PCDH15: variants seen among roughly 807,000 people sequenced by gnomAD.
PCDH15 encodes the protein protocadherin related 15, also known as protocadherin-15.
A neutral mutation model predicts 178.5 loss-of-function variants in PCDH15; 129 were observed. The observed-to-expected ratio is 0.72, with a 90% confidence interval of 0.63 to 0.84. The LOEUF (loss-of-function observed/expected upper bound fraction) is 0.84. PCDH15 is among the 40% of genes least tolerant of loss of function. The pLI is 0.00. For synonymous variants in PCDH15, 800 were observed against 732.0 expected, an observed-to-expected ratio of 1.09 and a Z score of -1.50; for missense variants, 2,230 against 2,099.9, an observed-to-expected ratio of 1.06 and a Z score of -1.21.
chr10:55,374,541 T>TGGCATA (rs1341457529), intron 2 of PCDH15, among the ~76,000 whole-genome samples: 1 of 151,974 alleles, frequency 6.6e-6, no homozygotes, highest in Non-Finnish European at 1.5e-5. Context: ...TAGAATAGCT[T>TGGCATA]CCCATGACAT....
chr10:54,517,394 C>A (rs576304284), intron 3 of PCDH15, among the ~76,000 whole-genome samples: 2 of 151,874 alleles, frequency 1.3e-5, no homozygotes, highest in East Asian at 1.9e-4. Context: ...AAACAAAAAA[C>A]GGCAGGAGTT....
chr10:55,226,279 G>A (rs935536182), intron 1 of PCDH15, among the ~76,000 whole-genome samples: 6 of 152,050 alleles, frequency 3.9e-5, no homozygotes, highest in African/African-American at 1.2e-4. Context: ...ATGAGGGAGA[G>A]AACACAAAAT....
chr10:55,068,967 G>A (rs1841642439), intron 2 of PCDH15, among the ~76,000 whole-genome samples: 1 of 151,932 alleles, frequency 6.6e-6, no homozygotes. Flanking sequence ...GTGCAGTCTG[G>A]GCTCACTGCA....
Position 54,183,589 on chromosome 10 carries a change from G to A in PCDH15, c.1445C>T (p.Thr482Ile). 6.2e-7 allele frequency: 1 copy of A among 1,613,780 alleles called. No homozygotes were observed. Among genetic ancestry groups the A allele is most frequent in the Non-Finnish European group, 8.5e-7 (1 of 1,179,940 alleles). ...EEQQTYTFSI[T>I]AFDGVQESEP... The stretch of plus-strand genomic sequence containing the variant: ...ACTTTCTTGTACACCATCAAATGCT[G>A]TTATCTTTGGGAGGAGAAAAATACA... Residue 482 changes from threonine to isoleucine, a missense_variant, in exon 13 of 38, where the codon ACA becomes ATA. Coordinates refer to ENST00000644397, the MANE Select transcript of PCDH15 (RefSeq NM_001384140.1).
intron 2 of PCDH15, among the ~76,000 whole-genome samples, chr10:54,978,966 C>A (rs192570066): frequency 1.3e-5 from 2 of 152,246 alleles, no homozygotes; most frequent in East Asian, 3.9e-4. Flanking sequence ...AAGAAAATTA[C>A]TTTCCTTCCT....
intron 18 of PCDH15, among the ~76,000 whole-genome samples, chr10:54,032,115 G>T (rs1004895385): frequency 6.6e-6 from 1 of 151,168 alleles, no homozygotes; most frequent in East Asian, 1.9e-4. Flanking sequence ...CTTTTTCTCT[G>T]TGGGCGAACA....
intron 1 of PCDH15, among the ~76,000 whole-genome samples, chr10:54,689,082 C>A (rs1423245520): frequency 6.6e-6 from 1 of 151,966 alleles, no homozygotes; most frequent in African/African-American, 2.4e-5. Flanking sequence ...TTCCAAAATA[C>A]CTATCTTCTC....
At chr10:55,166,210 G>A (rs1478722544) in intron 2 of PCDH15, among the ~76,000 whole-genome samples, 1 of 152,056 alleles carries the variant, frequency 6.6e-6, no homozygotes, top group Non-Finnish European at 1.5e-5. Context: ...GACACACAAT[G>A]ATGGATGCAA....
intron 8 of PCDH15, among the ~76,000 whole-genome samples, chr10:54,298,906 T>A (rs1172328032): frequency 6.6e-6 from 1 of 152,340 alleles, no homozygotes; most frequent in East Asian, 1.9e-4. Flanking sequence ...TTGCTACAGA[T>A]AGTAAGTATG....
intron 2 of PCDH15, among the ~76,000 whole-genome samples, chr10:54,911,944 A>T (rs532880993): frequency 6.6e-6 from 1 of 152,354 alleles, no homozygotes; most frequent in Non-Finnish European, 1.5e-5. Context: ...ATAGCAGTGT[A>T]GAAAAGAACT....
chr10:55,208,135 G>A (rs949084703), intron 1 of PCDH15, among the ~76,000 whole-genome samples: 2 of 152,058 alleles, frequency 1.3e-5, no homozygotes, highest in Non-Finnish European at 2.9e-5. Context: ...ATTATATAGA[G>A]TAGATACTTA....
At chr10:53,899,712 A>G (rs1270967960) in intron 26 of PCDH15, among the ~76,000 whole-genome samples, 1 of 152,124 alleles carries the variant, frequency 6.6e-6, no homozygotes, top group Non-Finnish European at 1.5e-5. Context: ...CCTTCCTTCA[A>G]ACACCACAGC....
At chr10:55,146,947 G>A (rs1899913) in intron 2 of PCDH15, among the ~76,000 whole-genome samples, 79,925 of 150,736 alleles carry the variant, frequency 0.53, 21,571 homozygotes, top group South Asian at 0.65. Flanking sequence ...GGGAAGACCT[G>A]GAATGCAAAA....
At chr10:54,096,663 C>T (rs1590393086) in intron 15 of PCDH15, among the ~76,000 whole-genome samples, 1 of 152,128 alleles carries the variant, frequency 6.6e-6, no homozygotes, top group Admixed American at 6.6e-5. Context: ...AAACAGAGAG[C>T]TCTGGTTTCT....
chr10:53,913,241 T>C (rs1033492736), intron 25 of PCDH15, among the ~76,000 whole-genome samples: 9 of 152,148 alleles, frequency 5.9e-5, no homozygotes, highest in African/African-American at 1.7e-4. Context: ...TAGCCATATG[T>C]AGAAAGCTGA....
chr10:54,865,977 G>C (rs892570834), intron 3 of PCDH15, among the ~76,000 whole-genome samples: 12 of 152,168 alleles, frequency 7.9e-5, no homozygotes, highest in Admixed American at 6.6e-5. Context: ...TTGGAAGACA[G>C]TGAATTAGAA....
intron 1 of PCDH15, among the ~76,000 whole-genome samples, chr10:54,698,951 T>C (rs1030465539): frequency 5.9e-5 from 9 of 152,142 alleles, no homozygotes; most frequent in Admixed American, 3.9e-4. Flanking sequence ...TTGACTTATA[T>C]AATAAATTCT....
intron 25 of PCDH15, among the ~76,000 whole-genome samples, chr10:53,918,957 T>G (rs1051983835): frequency 1.3e-5 from 2 of 152,210 alleles, no homozygotes; most frequent in Non-Finnish European, 2.9e-5. Flanking sequence ...CTTTTCTAGC[T>G]TCTAGAAGCT....
At chr10:54,523,579 C>G (rs898197568) in intron 3 of PCDH15, among the ~76,000 whole-genome samples, 1 of 152,082 alleles carries the variant, frequency 6.6e-6, no homozygotes, top group Non-Finnish European at 1.5e-5. Context: ...AGTTGAATTA[C>G]ATAAGTAATT....
Sources: gnomAD v4.1 joint callset for allele counts (sites outside exome capture counted in the v4.1 genomes callset) on GRCh38, gnomAD v4.1.1 for gene constraint, MANE v1.5 for transcripts, NCBI Gene and HGNC (gene_info 2026-07-23, HGNC 2026-07-21) for gene names.